Variants in ADAMTS3 observed in about 807,000 individuals in gnomAD.
The protein encoded by ADAMTS3 is ADAM metallopeptidase with thrombospondin type 1 motif 3, also known as A disintegrin and metalloproteinase with thrombospondin motifs 3.
A neutral mutation model predicts 129.0 loss-of-function variants in ADAMTS3; 73 were observed. The ratio of observed to expected loss-of-function variants is 0.57; its 90% CI spans 0.47 to 0.69. The LOEUF (loss-of-function observed/expected upper bound fraction) is 0.69. Among genes scored for constraint, ADAMTS3 ranks in the 30% least tolerant of loss-of-function variants. ADAMTS3 has a pLI of 0.00. For missense variants in ADAMTS3, 1,457 were observed against 1,514.5 expected (o/e 0.96, Z 0.63); for synonymous variants, 477 against 510.8 (o/e 0.93, Z 0.89).
At chr4:72,386,253 C>T (rs1402790176) in intron 4 of ADAMTS3, among the ~76,000 whole-genome samples, 85 of 152,014 alleles carry the variant, frequency 5.6e-4, no homozygotes, top group Non-Finnish European at 8.8e-5. Context: ...TCCTGTTTTT[C>T]TCTTTCCATC....
intron 4 of ADAMTS3, 79 bp from the exon 5 acceptor site, chr4:72,339,772 T>C: frequency 8.8e-7 from 1 of 1,142,550 alleles, no homozygotes; most frequent in East Asian, 2.4e-5. Context: ...AAAAGAATCT[T>C]CTCAGGGGCC....
intron 3 of ADAMTS3, among the ~76,000 whole-genome samples, chr4:72,448,832 A>G (rs1307562348): frequency 2.0e-5 from 3 of 151,760 alleles, no homozygotes; most frequent in African/African-American, 4.8e-5. Context: ...TGTTTAATTA[A>G]TAAGATTTTT....
At chr4:72,517,782 A>C (rs1274444732) in intron 3 of ADAMTS3, among the ~76,000 whole-genome samples, 5 of 151,572 alleles carry the variant, frequency 3.3e-5, no homozygotes, top group South Asian at 2.1e-4. Flanking sequence ...CCTTTCAAAA[A>C]ACCAGCTCCT....
chr4:72,476,473 C>T (rs965076712), intron 3 of ADAMTS3, among the ~76,000 whole-genome samples: 4 of 152,022 alleles, frequency 2.6e-5, no homozygotes, highest in African/African-American at 4.8e-5. Context: ...AAATGTACAA[C>T]TTAAAAAATC....
At chr4:72,305,913 T>G in intron 16 of ADAMTS3, 74 bp downstream of exon 16, 1 of 1,223,770 alleles carries the variant, frequency 8.2e-7, no homozygotes, top group African/African-American at 1.5e-5. Context: ...TATACATATC[T>G]ATATTTAGGA....
chr4:72,319,204 A>G (rs1719485627), intron 9 of ADAMTS3, 128 bp downstream of exon 9: 2 of 1,155,742 alleles, frequency 1.7e-6, no homozygotes, highest in Non-Finnish European at 2.5e-6. Context: ...GTTCTAAGTC[A>G]TAAGAAAATG....
rs562835793 is a variant in ADAMTS3, at chr4:72,462,324, A to C, written c.505-47353T>G. 2.0e-5 allele frequency among the ~76,000 whole-genome samples: 3 copies of C among 152,058 alleles called. No individual in the cohort carries two copies. In the East Asian group the frequency reaches 5.8e-4, roughly 30 times the overall value. On this transcript the variant is annotated intron_variant, in intron 3 of 21. Coordinates refer to ENST00000286657, the MANE Select transcript of ADAMTS3 (RefSeq NM_014243.3). The stretch of plus-strand genomic sequence containing the variant: ...AAATCTCTTGGAAAATGTAAACCAG[A>C]AAGATGATTTATACTTGCTTCGTTT...
intron 5 of ADAMTS3, among the ~76,000 whole-genome samples, chr4:72,326,286 A>G (rs939466693): frequency 6.6e-6 from 1 of 152,120 alleles, no homozygotes; most frequent in Non-Finnish European, 1.5e-5. Context: ...AAAGCACTGT[A>G]TCTTATTATT....
intron 3 of ADAMTS3, among the ~76,000 whole-genome samples, chr4:72,509,639 A>C (rs1720259379): frequency 6.6e-6 from 1 of 152,124 alleles, no homozygotes; most frequent in South Asian, 2.1e-4. Context: ...CTCCCAGTAA[A>C]GAAAAGCCCA....
intron 3 of ADAMTS3, among the ~76,000 whole-genome samples, chr4:72,468,005 G>A (rs973270572): frequency 3.3e-5 from 5 of 151,874 alleles, no homozygotes; most frequent in Non-Finnish European, 7.4e-5. Context: ...ATAAACTCTG[G>A]ACCATTTTGT....
chr4:72,535,301 G>A (rs1195281758), intron 3 of ADAMTS3, among the ~76,000 whole-genome samples: 2 of 152,280 alleles, frequency 1.3e-5, no homozygotes, highest in South Asian at 4.1e-4. Flanking sequence ...TAAATGAAAT[G>A]TTTCCCATTG....
chr4:72,394,174 G>A (rs1285205174), intron 4 of ADAMTS3, among the ~76,000 whole-genome samples: 1 of 152,130 alleles, frequency 6.6e-6, no homozygotes, highest in South Asian at 2.1e-4. Flanking sequence ...GCCCTTCAGA[G>A]GGCCCCATTC....
At chr4:72,406,159 G>C (rs1161545470) in intron 4 of ADAMTS3, among the ~76,000 whole-genome samples, 1 of 152,088 alleles carries the variant, frequency 6.6e-6, no homozygotes, top group East Asian at 1.9e-4. Flanking sequence ...ACAAATAGCA[G>C]TCCCAGCCAT....
At chr4:72,355,322 A>G (rs1244413065) in intron 4 of ADAMTS3, among the ~76,000 whole-genome samples, 3 of 152,002 alleles carry the variant, frequency 2.0e-5, no homozygotes, top group African/African-American at 7.2e-5. Context: ...AGTACTTTCT[A>G]TGAGTCTGTT....
At chr4:72,298,227 G>C in intron 18 of ADAMTS3, 50 bp downstream of exon 18, 1 of 1,483,306 alleles carries the variant, frequency 6.7e-7, no homozygotes. Context: ...AAGCAAGATT[G>C]GTTTTTATAT....
At chr4:72,422,387 A>G (rs1722468455) in intron 3 of ADAMTS3, among the ~76,000 whole-genome samples, 1 of 152,146 alleles carries the variant, frequency 6.6e-6, no homozygotes, top group Non-Finnish European at 1.5e-5. Flanking sequence ...GCAATGATAC[A>G]TGAAATATTT....
At chr4:72,526,594 G>GTGTGTGTA (rs1720814087) in intron 3 of ADAMTS3, among the ~76,000 whole-genome samples, 1 of 148,976 alleles carries the variant, frequency 6.7e-6, no homozygotes, top group Non-Finnish European at 1.5e-5. Context: ...GTGTGTGTGT[G>GTGTGTGTA]TGTGTGTGTG....
intron 3 of ADAMTS3, among the ~76,000 whole-genome samples, chr4:72,464,361 T>C (rs1441945467): frequency 2.0e-5 from 3 of 152,022 alleles, no homozygotes; most frequent in African/African-American, 7.2e-5. Context: ...GCCTAGTGGA[T>C]AGAATTTAAA....
At position 72,361,398 on chromosome 4, in the gene ADAMTS3, T is replaced by C. The variant is rs930167510; in HGVS notation, c.662-21705A>G. Among the ~76,000 whole-genome samples the C allele has an allele frequency of 6.6e-5, 10 of 152,256 alleles. No homozygotes were observed. The East Asian group carries it at 1.7e-3, about 26-fold the overall frequency. ...TGGAAGAAGATAAGCATAAGTGTCT[T>C]ATTGACAGATTGTTATAATGGCAAT... On this transcript the variant is annotated intron_variant, in intron 4 of 21. Coordinates refer to ENST00000286657, the MANE Select transcript of ADAMTS3 (RefSeq NM_014243.3).
Sources: allele counts gnomAD v4.1 joint callset (sites outside exome capture counted in the v4.1 genomes callset), GRCh38; gene constraint gnomAD v4.1.1; transcripts MANE v1.5; gene names NCBI Gene and HGNC (gene_info 2026-07-23, HGNC 2026-07-21).